The following ADD3 variants were observed in gnomAD, a reference collection of about 807,000 sequenced individuals.
ADD3 encodes the protein gamma-adducin.
In ADD3, 25 loss-of-function variants were observed where a neutral mutation model predicts 80.2. That is an observed-to-expected ratio of 0.31 (90% confidence interval 0.23 to 0.44). The LOEUF (loss-of-function observed/expected upper bound fraction) is 0.44. Among genes scored for constraint, ADD3 ranks in the 20% least tolerant of loss-of-function variants. The pLI, the probability that ADD3 is intolerant of heterozygous loss-of-function variation, is 1.00. For missense variants in ADD3, 829 were observed against 847.5 expected (o/e 0.98, Z 0.27); for synonymous variants, 284 against 289.6 (o/e 0.98, Z 0.20).
intron 1 of ADD3, among the ~76,000 whole-genome samples, chr10:110,073,159 T>C (rs1220562504): frequency 2.0e-4 from 30 of 147,030 alleles, no homozygotes; most frequent in South Asian, 1.1e-3. Flanking sequence ...TTTTTTTTTT[T>C]CGAGACTGGG....
At chr10:110,048,126 T>C (rs1302271492) in intron 1 of ADD3, among the ~76,000 whole-genome samples, 1 of 152,174 alleles carries the variant, frequency 6.6e-6, no homozygotes, top group Non-Finnish European at 1.5e-5. Context: ...TCACGAGATG[T>C]GATGATTTTA....
At chr10:110,042,856 C>T (rs183976135) in intron 1 of ADD3, among the ~76,000 whole-genome samples, 1 of 152,176 alleles carries the variant, frequency 6.6e-6, no homozygotes, top group African/African-American at 2.4e-5. Context: ...GTCTAAAGTA[C>T]ACCCATACCA....
intron 2 of ADD3, among the ~76,000 whole-genome samples, chr10:110,108,169 T>G (rs998699745): frequency 6.6e-6 from 1 of 152,184 alleles, no homozygotes. Flanking sequence ...TGATGAATTC[T>G]TAGCTACAAG....
intron 1 of ADD3, among the ~76,000 whole-genome samples, chr10:110,070,611 AGTTTT>A (rs892302667): frequency 6.6e-6 from 1 of 152,152 alleles, no homozygotes; most frequent in African/African-American, 2.4e-5. Context: ...TTTACAGACT[AGTTTT>A]GTTTTTGTTT....
upstream of ADD3, chr10:110,007,909 C>T (rs1291600801): frequency 5.5e-4 from 46 of 83,578 alleles, no homozygotes; most frequent in African/African-American, 1.8e-3. Context: ...CCGGGGGGGG[C>T]GCTTGGGGAC....
rs181529475 is a variant in ADD3 at position 110,115,480 on chromosome 10, C to T, written c.335-779C>T. 1.2e-3 allele frequency among the ~76,000 whole-genome samples: 178 copies of T among 151,978 alleles called. 2 individuals are homozygous for T. The highest frequency in any genetic ancestry group is 4.2e-3 in the African/African-American group (173 of 41,428). On this transcript the variant is annotated intron_variant, in intron 3 of 14. Coordinates refer to ENST00000356080, the MANE Select transcript of ADD3 (RefSeq NM_016824.5). ...GAGTGAGTCGTCTACACAAAAATAACAATAGGGAGGCTCAAGAGTCTATAA... is the reference window on the plus strand; with the variant it reads ...GAGTGAGTCGTCTACACAAAAATAATAATAGGGAGGCTCAAGAGTCTATAA...
chr10:110,000,986 G>A (rs1851473189), upstream of ADD3, among the ~76,000 whole-genome samples: 1 of 152,104 alleles, frequency 6.6e-6, no homozygotes, highest in African/African-American at 2.4e-5. Context: ...AATGCACCTG[G>A]AAACTCATTT....
upstream of ADD3, among the ~76,000 whole-genome samples, chr10:110,001,733 A>C (rs1442713405): frequency 3.9e-5 from 6 of 152,200 alleles, no homozygotes; most frequent in Non-Finnish European, 7.3e-5. Flanking sequence ...TTAATTCAGT[A>C]AATTTGGAGT....
At position 110,036,005 on chromosome 10, in the gene ADD3, G is replaced by A. The variant is rs562060575; in HGVS notation, c.-30+27706G>A. Among the ~76,000 whole-genome samples, 3 of 152,098 alleles carry A rather than the reference G, an allele frequency of 2.0e-5. No individual in the cohort carries two copies. The South Asian group carries it at 6.2e-4, about 32-fold the overall frequency. ...TCTCTACTAAAAATACAAAAAATGAGCCAGGTGTGGTGGCAGATGCCTGTA... is the reference window on the plus strand; with the variant it reads ...TCTCTACTAAAAATACAAAAAATGAACCAGGTGTGGTGGCAGATGCCTGTA... On this transcript the variant is annotated intron_variant, in intron 1 of 14. Coordinates refer to ENST00000356080, the MANE Select transcript of ADD3 (RefSeq NM_016824.5).
chr10:110,104,793 G>A (rs1849232090), intron 2 of ADD3, among the ~76,000 whole-genome samples: 1 of 152,166 alleles, frequency 6.6e-6, no homozygotes, highest in African/African-American at 2.4e-5. Flanking sequence ...GTATTAAGAT[G>A]CCTAAGTTAT....
intron 1 of ADD3, among the ~76,000 whole-genome samples, chr10:110,019,224 G>A (rs988922905): frequency 2.6e-5 from 4 of 151,610 alleles, no homozygotes; most frequent in East Asian, 3.8e-4. Context: ...AACATTGTCC[G>A]TTTTCAGATT....
chr10:110,100,597 A>G, intron 1 of ADD3, 28 bp from the exon 2 acceptor site: 2 of 1,372,848 alleles, frequency 1.5e-6, no homozygotes, highest in Non-Finnish European at 1.9e-6. Flanking sequence ...TTTATCATGG[A>G]TGTCCTTCTT....
chr10:110,018,087 T>A (rs7921843), intron 1 of ADD3, among the ~76,000 whole-genome samples: 18,930 of 152,166 alleles, frequency 0.12, 3,759 homozygotes, highest in African/African-American at 0.42. Flanking sequence ...ACATCACTCC[T>A]TGAGACTCAG....
intron 5 of ADD3, 140 bp downstream of exon 5, chr10:110,117,562 AT>A (rs1565012196): frequency 1.7e-6 from 1 of 588,178 alleles, no homozygotes; most frequent in Admixed American, 3.1e-5. Context: ...AATTTGAACT[AT>A]GTTGTTTTAG....
chr10:110,010,960 C>T (rs1451144646), intron 1 of ADD3, among the ~76,000 whole-genome samples: 2 of 152,114 alleles, frequency 1.3e-5, no homozygotes, highest in Non-Finnish European at 2.9e-5. Flanking sequence ...GTGGTTAATC[C>T]GCATTAAATA....
chr10:110,071,683 A>G (rs576069100), intron 1 of ADD3, among the ~76,000 whole-genome samples: 1 of 152,188 alleles, frequency 6.6e-6, no homozygotes, highest in African/African-American at 2.4e-5. Flanking sequence ...TTTCAGAAGT[A>G]CTATGCCATC....
At chr10:110,132,547 A>G (rs772352798) in intron 14 of ADD3, 147 bp downstream of exon 14, 2 of 584,262 alleles carry the variant, frequency 3.4e-6, no homozygotes, top group East Asian at 5.8e-5. Flanking sequence ...TACATATTTT[A>G]TATCATTAAA....
intron 1 of ADD3, among the ~76,000 whole-genome samples, chr10:110,033,254 T>A (rs1855264007): frequency 6.6e-6 from 1 of 152,244 alleles, no homozygotes; most frequent in African/African-American, 2.4e-5. Flanking sequence ...AGTGAAGGGC[T>A]GCTATAACTA....
At chr10:110,017,897 T>C (rs944864960) in intron 1 of ADD3, among the ~76,000 whole-genome samples, 2 of 152,186 alleles carry the variant, frequency 1.3e-5, no homozygotes, top group Non-Finnish European at 2.9e-5. Flanking sequence ...GTATCTTGTT[T>C]AAAAAGGTTG....
Sources: gnomAD v4.1 joint callset for allele counts (sites outside exome capture counted in the v4.1 genomes callset) on GRCh38, gnomAD v4.1.1 for gene constraint, MANE v1.5 for transcripts, NCBI Gene and HGNC (gene_info 2026-07-23, HGNC 2026-07-21) for gene names.